Variants in PLXNA4 observed in about 807,000 individuals in gnomAD.
The protein encoded by PLXNA4 is plexin A4.
A neutral mutation model predicts 191.8 loss-of-function variants in PLXNA4; 44 were observed. That is an observed-to-expected ratio of 0.23 (90% CI 0.18 to 0.29). The LOEUF (loss-of-function observed/expected upper bound fraction) is 0.29. PLXNA4 is among the 10% of genes least tolerant of loss of function. The pLI, the probability that PLXNA4 is intolerant of heterozygous loss-of-function variation, is 1.00. For synonymous variants in PLXNA4, 1,082 were observed against 1,009.5 expected (o/e 1.07, Z -1.36); for missense variants, 1,800 against 2,488.8 (o/e 0.72, Z 5.89).
chr7:132,411,742 C>T (rs1339333356), intron 3 of PLXNA4, among the ~76,000 whole-genome samples: 2 of 152,172 alleles, frequency 1.3e-5, no homozygotes, highest in Admixed American at 1.3e-4. Flanking sequence ...ATTCTGGCAT[C>T]CCCAGTTCAA....
At chr7:132,258,056 C>A (rs1799493271) in intron 4 of PLXNA4, among the ~76,000 whole-genome samples, 1 of 152,240 alleles carries the variant, frequency 6.6e-6, no homozygotes, top group East Asian at 1.9e-4. Context: ...GAAAGCTCCA[C>A]CCCGTAGGGC....
At chr7:132,181,900 A>T (rs902631890) in intron 17 of PLXNA4, among the ~76,000 whole-genome samples, 197 bp downstream of exon 17, 16 of 152,156 alleles carry the variant, frequency 1.1e-4, no homozygotes, top group African/African-American at 3.9e-4. Flanking sequence ...TTACTCCTCC[A>T]TGTCTATACC....
chr7:132,447,279 T>C (rs1372912419), intron 3 of PLXNA4, among the ~76,000 whole-genome samples: 2 of 152,150 alleles, frequency 1.3e-5, no homozygotes, highest in East Asian at 3.9e-4. Context: ...CAGAACTCAG[T>C]GCCCTCTAGA....
At chr7:132,623,269 C>A (rs1043760750) in intron 2 of PLXNA4, among the ~76,000 whole-genome samples, 1 of 151,472 alleles carries the variant, frequency 6.6e-6, no homozygotes, top group African/African-American at 2.4e-5. Context: ...TCACTTGAAC[C>A]CAGGAGGCAG....
chr7:132,639,673 G>C (rs563601033), intron 2 of PLXNA4, among the ~76,000 whole-genome samples: 1 of 152,304 alleles, frequency 6.6e-6, no homozygotes, highest in South Asian at 2.1e-4. Context: ...GCCATTCAGG[G>C]GGTCTTGCAG....
chr7:132,485,502 G>A (rs1797521560), intron 3 of PLXNA4, among the ~76,000 whole-genome samples: 1 of 152,212 alleles, frequency 6.6e-6, no homozygotes, highest in Non-Finnish European at 1.5e-5. Flanking sequence ...GCAAGAGAGG[G>A]AAAAGATTCC....
chr7:132,367,646 A>T (rs1304586747), intron 3 of PLXNA4: 1 of 152,230 alleles, frequency 6.6e-6, no homozygotes. Flanking sequence ...CATGCAGGGG[A>T]CATCATTAGA....
At chr7:132,144,096 C>T (rs1339913917) in intron 29 of PLXNA4, among the ~76,000 whole-genome samples, 1 of 152,194 alleles carries the variant, frequency 6.6e-6, no homozygotes, top group Non-Finnish European at 1.5e-5. Context: ...ATGCTTTGCC[C>T]ATCCTAGCAG....
intron 1 of PLXNA4, among the ~76,000 whole-genome samples, chr7:132,524,051 T>C (rs1234190577): frequency 2.0e-5 from 3 of 152,142 alleles, no homozygotes; most frequent in Non-Finnish European, 4.4e-5. Flanking sequence ...AGGAGGATGC[T>C]AATGTCATCC....
chr7:132,309,729 C>G (rs752475912), intron 3 of PLXNA4, among the ~76,000 whole-genome samples: 1 of 152,174 alleles, frequency 6.6e-6, no homozygotes, highest in African/African-American at 2.4e-5. Context: ...TCCTGTCTAG[C>G]TGGAGGCCCA....
intron 4 of PLXNA4, among the ~76,000 whole-genome samples, chr7:132,288,538 G>C (rs1800766696): frequency 6.6e-6 from 1 of 152,178 alleles, no homozygotes; most frequent in South Asian, 2.1e-4. Context: ...TCCATTTCCT[G>C]TCACTCATTC....
At chr7:132,582,924 C>G (rs1802432530) in intron 2 of PLXNA4, among the ~76,000 whole-genome samples, 1 of 152,114 alleles carries the variant, frequency 6.6e-6, no homozygotes, top group African/African-American at 2.4e-5. Flanking sequence ...GGACTGGGCA[C>G]CAATAGATGT....
chr7:132,557,692 G>A (rs141638910), intron 1 of PLXNA4, among the ~76,000 whole-genome samples: 2 of 152,168 alleles, frequency 1.3e-5, no homozygotes, highest in Non-Finnish European at 2.9e-5. Flanking sequence ...AATATGGTAC[G>A]TCTGTGGTCT....
chr7:132,396,820 G>T (rs746730210), intron 3 of PLXNA4, among the ~76,000 whole-genome samples: 65 of 152,256 alleles, frequency 4.3e-4, no homozygotes, highest in Non-Finnish European at 7.1e-4. Flanking sequence ...ACCTCAGGAG[G>T]CTTCTCCCAA....
chr7:132,315,714 G>A (rs759759421), intron 3 of PLXNA4, among the ~76,000 whole-genome samples: 1 of 152,184 alleles, frequency 6.6e-6, no homozygotes, highest in Non-Finnish European at 1.5e-5. Context: ...TCAATTCTGA[G>A]GAGTGTGCTT....
At chr7:132,172,205 G>A (rs562853744) in intron 21 of PLXNA4, among the ~76,000 whole-genome samples, 59 of 152,342 alleles carry the variant, frequency 3.9e-4, no homozygotes, top group Non-Finnish European at 7.3e-4. Flanking sequence ...CTCTAATTTA[G>A]TTGAAGTCTG....
intron 3 of PLXNA4, among the ~76,000 whole-genome samples, chr7:132,333,130 T>C (rs533622190): frequency 2.6e-5 from 4 of 152,364 alleles, no homozygotes; most frequent in African/African-American, 9.6e-5. Context: ...TGGTTTCTGA[T>C]GCTGTGGTCG....
chr7:132,620,699 C>A (rs1029054346), intron 2 of PLXNA4, among the ~76,000 whole-genome samples: 6 of 152,180 alleles, frequency 3.9e-5, no homozygotes, highest in Admixed American at 1.3e-4. Context: ...TAATAGGATA[C>A]CTTTTGCTCT....
intron 3 of PLXNA4, among the ~76,000 whole-genome samples, chr7:132,476,044 T>C (rs1000919841): frequency 1.3e-5 from 2 of 152,176 alleles, no homozygotes; most frequent in African/African-American, 4.8e-5. Context: ...TTCCTATGCT[T>C]GCATGTGTGG....
Sources: allele counts gnomAD v4.1 joint callset (sites outside exome capture counted in the v4.1 genomes callset), GRCh38; gene constraint gnomAD v4.1.1; transcripts MANE v1.5; gene names NCBI Gene and HGNC (gene_info 2026-07-23, HGNC 2026-07-21).